CDH4: variants seen among roughly 807,000 people sequenced by gnomAD.
CDH4 encodes the protein cadherin 4.
CDH4 carries 33 observed loss-of-function variants against 86.0 expected under a neutral mutation model. That is an observed-to-expected ratio of 0.38 (90% CI 0.29 to 0.51). CDH4 has a LOEUF of 0.51. Ranked by LOEUF, CDH4 falls within the 20% of genes least tolerant of loss-of-function variation. CDH4 has a pLI of 0.86. For synonymous variants in CDH4, 555 were observed against 549.4 expected, an observed-to-expected ratio of 1.01 and a Z score of -0.14; for missense variants, 1,114 against 1,307.4, an observed-to-expected ratio of 0.85 and a Z score of 2.28.
chr20:61,615,745 A>G (rs971608231), intron 2 of CDH4, among the ~76,000 whole-genome samples: 2 of 152,240 alleles, frequency 1.3e-5, no homozygotes, highest in Admixed American at 1.3e-4. Context: ...AATGATTTCT[A>G]TGAAATCAGC....
intron 2 of CDH4, among the ~76,000 whole-genome samples, chr20:61,354,753 T>G (rs962859927): frequency 1.3e-5 from 2 of 152,184 alleles, no homozygotes; most frequent in Non-Finnish European, 1.5e-5. Flanking sequence ...CTCGTTGGCT[T>G]ATCGTCCCGG....
intron 8 of CDH4, among the ~76,000 whole-genome samples, chr20:61,901,386 T>C (rs560157297): frequency 6.6e-6 from 1 of 152,386 alleles, no homozygotes; most frequent in East Asian, 1.9e-4. Flanking sequence ...AATGTTGTAA[T>C]GTCCAAAGGA....
chr20:61,356,330 C>A (rs542931538), intron 2 of CDH4, among the ~76,000 whole-genome samples: 113 of 152,198 alleles, frequency 7.4e-4, no homozygotes, highest in Non-Finnish European at 1.5e-3. Flanking sequence ...AAGCAGCAGG[C>A]CATTCCCCGG....
chr20:61,669,247 G>T (rs901887529), intron 2 of CDH4, among the ~76,000 whole-genome samples: 1 of 152,220 alleles, frequency 6.6e-6, no homozygotes, highest in African/African-American at 2.4e-5. Context: ...GAGTTAAAGG[G>T]AGCCAGTCCC....
intron 2 of CDH4, among the ~76,000 whole-genome samples, chr20:61,352,906 C>T (rs1325334341): frequency 6.6e-6 from 1 of 152,156 alleles, no homozygotes; most frequent in Non-Finnish European, 1.5e-5. Context: ...AATGTCCCAT[C>T]CTTGCGGCGC....
At chr20:61,728,719 A>G (rs1432651548) in intron 2 of CDH4, among the ~76,000 whole-genome samples, 1 of 152,260 alleles carries the variant, frequency 6.6e-6, no homozygotes, top group Non-Finnish European at 1.5e-5. Flanking sequence ...GAACGGATGA[A>G]TGTATGAGTG....
At chr20:61,506,552 G>A (rs563327968) in intron 2 of CDH4, among the ~76,000 whole-genome samples, 4 of 152,260 alleles carry the variant, frequency 2.6e-5, no homozygotes, top group Admixed American at 2.6e-4. Context: ...TTGCCTGTTG[G>A]GCAGAATTGT....
chr20:61,805,621 G>A (rs1188249386), intron 4 of CDH4, among the ~76,000 whole-genome samples: 1 of 152,230 alleles, frequency 6.6e-6, no homozygotes, highest in Admixed American at 6.5e-5. Context: ...AGAATCACCT[G>A]GGGAGCATTC....
At chr20:61,803,865 A>AAACGAG (rs755708899) in intron 4 of CDH4, among the ~76,000 whole-genome samples, 99 of 152,380 alleles carry the variant, frequency 6.5e-4, no homozygotes, top group Non-Finnish European at 1.2e-3. Flanking sequence ...AGGACAGGAG[A>AAACGAG]AACGAGAACA....
intron 2 of CDH4, among the ~76,000 whole-genome samples, chr20:61,316,813 C>T (rs2427074): frequency 1.3e-5 from 2 of 151,888 alleles, no homozygotes; most frequent in African/African-American, 4.8e-5. Context: ...AGAGCTGGGG[C>T]CTGGCCACCC....
chr20:61,318,583 A>G (rs1327225452), intron 2 of CDH4, among the ~76,000 whole-genome samples: 1 of 152,172 alleles, frequency 6.6e-6, no homozygotes, highest in Non-Finnish European at 1.5e-5. Flanking sequence ...GCGCTCTAGA[A>G]GGGCACCATG....
chr20:61,902,670 A>G lies in CDH4; in HGVS notation c.1188+7623A>G, dbSNP rs746845101. ...AGCGAGTGGGTGTGGCCATGTCCCA[A>G]TAAACTTTATTTACAAAAACAAAAA... On this transcript the variant is annotated intron_variant, in intron 8 of 15. Transcript: ENST00000614565. This position sits in a 1 kb window ranked among gnomAD's most constrained non-coding sequence, Gnocchi z 4.6. Among the ~76,000 whole-genome samples, 12 of 152,242 alleles carry G rather than the reference A, an allele frequency of 7.9e-5. No homozygotes were observed. Among genetic ancestry groups the G allele is most frequent in the East Asian group, 1.9e-4 (1 of 5,202 alleles).
At chr20:61,610,585 G>A (rs148553821) in intron 2 of CDH4, among the ~76,000 whole-genome samples, 227 of 152,224 alleles carry the variant, frequency 1.5e-3, no homozygotes, top group African/African-American at 5.2e-3. Flanking sequence ...TGCTGTTCTG[G>A]AGGCGGTGGT....
intron 2 of CDH4, among the ~76,000 whole-genome samples, chr20:61,310,239 G>C (rs966493471): frequency 1.3e-4 from 20 of 152,126 alleles, no homozygotes; most frequent in Non-Finnish European, 1.6e-4. Context: ...GGTTCGTCTT[G>C]CACAAGCCAG....
chr20:61,321,522 C>G lies in CDH4; in HGVS notation c.169+66585C>G, dbSNP rs182186148. Among the ~76,000 whole-genome samples the G allele has an allele frequency of 2.6e-5, 4 of 152,154 alleles. No individual in the cohort carries two copies. The East Asian group carries it at 7.7e-4, about 29-fold the overall frequency. ...GAGAGAATATAAGGATTTTTTTCCA[C>G]GGGTCAGTGTGTTTGGAAGACACCA... is the stretch of plus-strand genomic sequence containing the variant. On this transcript the variant is annotated intron_variant, in intron 2 of 15. Transcript: ENST00000614565.
intron 2 of CDH4, among the ~76,000 whole-genome samples, chr20:61,607,630 G>A (rs2086655514): frequency 6.6e-6 from 1 of 152,220 alleles, no homozygotes; most frequent in Non-Finnish European, 1.5e-5. Flanking sequence ...GCATCTTAGA[G>A]GTCCCAGGTG....
At chr20:61,670,298 T>C (rs1461366564) in intron 2 of CDH4, among the ~76,000 whole-genome samples, 2 of 152,178 alleles carry the variant, frequency 1.3e-5, no homozygotes, top group African/African-American at 4.8e-5. Flanking sequence ...CTGACTTCTG[T>C]CCTTAAAGTT....
intron 3 of CDH4, among the ~76,000 whole-genome samples, chr20:61,752,892 T>A (rs570617292): frequency 1.3e-5 from 2 of 152,286 alleles, no homozygotes; most frequent in African/African-American, 4.8e-5. Context: ...CAGGAAGCCA[T>A]GCTGGGGGAC....
chr20:61,278,863 A>G (rs2084243711), intron 2 of CDH4, among the ~76,000 whole-genome samples: 2 of 152,190 alleles, frequency 1.3e-5, no homozygotes, highest in African/African-American at 4.8e-5. Flanking sequence ...GGAGGAGTTG[A>G]TTTGAGGGAC....
Sources: gnomAD v4.1 joint callset for allele counts (sites outside exome capture counted in the v4.1 genomes callset) on GRCh38, gnomAD v4.1.1 for gene constraint, Gnocchi (gnomAD v3.1) non-coding constraint, MANE v1.5 for transcripts, NCBI Gene and HGNC (gene_info 2026-07-23, HGNC 2026-07-21) for gene names.